TENM4: variants seen among roughly 807,000 people sequenced by gnomAD.
TENM4 encodes the protein teneurin-4.
A neutral mutation model predicts 243.3 loss-of-function variants in TENM4; 82 were observed. That is an observed-to-expected ratio of 0.34 (90% CI 0.28 to 0.40). The LOEUF (loss-of-function observed/expected upper bound fraction) is 0.40. Ranked by LOEUF, TENM4 falls within the 10% of genes least tolerant of loss-of-function variation. The probability of loss-of-function intolerance (pLI) is 1.00; values close to 1 mark genes in which losing one functional copy is unlikely to be tolerated. For missense variants in TENM4, 3,138 were observed against 3,673.3 expected (o/e 0.85, Z 3.77); for synonymous variants, 1,412 against 1,456.3 (o/e 0.97, Z 0.69).
At position 79,095,328 on chromosome 11, in the gene TENM4, A is replaced by G. The variant is rs191778951; in HGVS notation, c.-65-25319T>C. ...GGATTTGAACCCAGTTCTGACACTG[A>G]AATCTCTGCTTCTTGCCCTCTGCCT... is the stretch of plus-strand genomic sequence containing the variant. On this transcript the variant is annotated intron_variant, in intron 4 of 33. Transcript: ENST00000278550. Among the ~76,000 whole-genome samples, 21 of 152,252 alleles carry G rather than the reference A, an allele frequency of 1.4e-4. 1 individual carries two copies. The highest frequency in any genetic ancestry group is 1.1e-3 in the Admixed American group (17 of 15,300).
At chr11:78,808,044 T>G (rs1302373845) in intron 14 of TENM4, among the ~76,000 whole-genome samples, 1 of 152,232 alleles carries the variant, frequency 6.6e-6, no homozygotes, top group East Asian at 1.9e-4. Flanking sequence ...TGGGGTAAAC[T>G]ATGGTCAGAG....
At chr11:79,204,366 A>G (rs1863805717) in intron 3 of TENM4, among the ~76,000 whole-genome samples, 1 of 152,208 alleles carries the variant, frequency 6.6e-6, no homozygotes, top group Non-Finnish European at 1.5e-5. Flanking sequence ...CCTTCCAAGT[A>G]AAAGCATCTG....
intron 14 of TENM4, among the ~76,000 whole-genome samples, chr11:78,807,714 G>C (rs1354393699): frequency 6.6e-6 from 1 of 152,210 alleles, no homozygotes; most frequent in African/African-American, 2.4e-5. Flanking sequence ...AGCTGTTGGA[G>C]AAAGGGTGCT....
At chr11:79,279,739 G>A (rs1480203771) in intron 2 of TENM4, among the ~76,000 whole-genome samples, 1 of 152,112 alleles carries the variant, frequency 6.6e-6, no homozygotes, top group Non-Finnish European at 1.5e-5. Flanking sequence ...CTTTCCCTCT[G>A]CGTACTTTTC....
chr11:79,170,590 T>C (rs747154774), intron 3 of TENM4, among the ~76,000 whole-genome samples: 1 of 152,118 alleles, frequency 6.6e-6, no homozygotes, highest in Non-Finnish European at 1.5e-5. Flanking sequence ...ACAGGGAGAA[T>C]GTCATGTGAA....
chr11:78,841,730 C>T (rs560389746), intron 12 of TENM4, among the ~76,000 whole-genome samples: 3 of 152,110 alleles, frequency 2.0e-5, no homozygotes, highest in East Asian at 3.9e-4. Context: ...TTTACTTGAA[C>T]CTGCCTCCTC....
intron 19 of TENM4, among the ~76,000 whole-genome samples, chr11:78,739,497 A>T (rs574837233): frequency 4.6e-5 from 7 of 152,178 alleles, no homozygotes; most frequent in African/African-American, 1.7e-4. Flanking sequence ...GAGCTCTTTG[A>T]GGGTAGGTCA....
chr11:79,080,155 CCA>C (rs1860630746), intron 4 of TENM4, among the ~76,000 whole-genome samples: 2 of 152,210 alleles, frequency 1.3e-5, no homozygotes, highest in Admixed American at 1.3e-4. Context: ...AACATATCTC[CCA>C]CAGTTTTCAA....
At chr11:79,122,096 TG>T (rs1282097238) in intron 4 of TENM4, among the ~76,000 whole-genome samples, 1 of 152,156 alleles carries the variant, frequency 6.6e-6, no homozygotes, top group African/African-American at 2.4e-5. Flanking sequence ...GAGGGGTTTG[TG>T]GGGTTCAGGG....
At chr11:79,405,617 T>A (rs983991745) in intron 1 of TENM4, among the ~76,000 whole-genome samples, 1 of 152,048 alleles carries the variant, frequency 6.6e-6, no homozygotes, top group Admixed American at 6.6e-5. Flanking sequence ...ATAGATGCAA[T>A]TTTGTCTACT....
rs968998210 is a variant in TENM4 at position 78,654,287 on chromosome 11, G to A, written c.*3771C>T. The A allele has an allele frequency of 6.6e-6, 1 of 152,174 alleles. No homozygotes were observed. The highest frequency in any genetic ancestry group is 1.5e-5 in the Non-Finnish European group (1 of 68,050). 9.4% of individuals were successfully genotyped at this position (152,174 alleles called of 1,614,324 possible). On this transcript the variant is annotated 3_prime_UTR_variant, in exon 34 of 34. Coordinates refer to ENST00000278550, the MANE Select transcript of TENM4 (RefSeq NM_001098816.3). Reference sequence around the variant, plus strand: ...CTCAAATCCCCAAGCCTGACACCCTGCTGAGAGCTTGAAAGCTCATTCCTC... The same window carrying A: ...CTCAAATCCCCAAGCCTGACACCCTACTGAGAGCTTGAAAGCTCATTCCTC...
chr11:79,131,436 A>C (rs1862001267), intron 4 of TENM4, among the ~76,000 whole-genome samples: 1 of 152,186 alleles, frequency 6.6e-6, no homozygotes, highest in Non-Finnish European at 1.5e-5. Context: ...ACTAAGCATC[A>C]TATATGAAGG....
chr11:78,996,384 C>G (rs996248610), intron 6 of TENM4, among the ~76,000 whole-genome samples: 3 of 152,172 alleles, frequency 2.0e-5, no homozygotes, highest in Admixed American at 6.5e-5. Flanking sequence ...TGTGAAGGCA[C>G]AGAACACATG....
chr11:79,287,413 A>AC (rs1223945597), intron 2 of TENM4, among the ~76,000 whole-genome samples: 5 of 152,092 alleles, frequency 3.3e-5, no homozygotes, highest in African/African-American at 1.2e-4. Flanking sequence ...CCAGATGATG[A>AC]CCCCCAGACC....
At chr11:78,699,779 C>T (rs141073837) in intron 28 of TENM4, among the ~76,000 whole-genome samples, 12 of 152,266 alleles carry the variant, frequency 7.9e-5, no homozygotes, top group East Asian at 1.9e-4. Context: ...GGTGGTGGAG[C>T]GTAATGGATG....
chr11:79,075,034 A>G (rs1031854604), intron 4 of TENM4, among the ~76,000 whole-genome samples: 2 of 152,208 alleles, frequency 1.3e-5, no homozygotes, highest in African/African-American at 4.8e-5. Context: ...TAGGATCCTG[A>G]CCAATGATAC....
chr11:79,103,286 A>G (rs1306385448), intron 4 of TENM4, among the ~76,000 whole-genome samples: 2 of 152,178 alleles, frequency 1.3e-5, no homozygotes, highest in Non-Finnish European at 2.9e-5. Context: ...CATGGATCAA[A>G]TGCATATTAG....
chr11:78,810,992 G>A (rs1039229608), intron 14 of TENM4, among the ~76,000 whole-genome samples: 7 of 152,190 alleles, frequency 4.6e-5, no homozygotes, highest in African/African-American at 1.7e-4. Flanking sequence ...GGCGAAACAG[G>A]AAATGTGCTT....
intron 9 of TENM4, among the ~76,000 whole-genome samples, chr11:78,864,813 A>T (rs1415739167): frequency 6.6e-6 from 1 of 152,202 alleles, no homozygotes; most frequent in Non-Finnish European, 1.5e-5. Context: ...TCCATGGCAG[A>T]TTCTGGAGAG....
Sources: allele counts gnomAD v4.1 joint callset (sites outside exome capture counted in the v4.1 genomes callset), GRCh38; gene constraint gnomAD v4.1.1; transcripts MANE v1.5; gene names NCBI Gene and HGNC (gene_info 2026-07-23, HGNC 2026-07-21).